Variants in MIS18BP1 observed in about 807,000 individuals in gnomAD.
MIS18BP1 encodes the protein MIS18 binding protein 1.
In MIS18BP1, 72 loss-of-function variants were observed where a neutral mutation model predicts 116.1. The observed-to-expected ratio is 0.62, with a 90% CI of 0.51 to 0.75. The LOEUF is 0.75. Among genes scored for constraint, MIS18BP1 ranks in the 30% least tolerant of loss-of-function variants. MIS18BP1 has a pLI of 0.00. For synonymous variants in MIS18BP1, 386 were observed against 427.0 expected, an observed-to-expected ratio of 0.90 and a Z score of 1.18; for missense variants, 1,363 against 1,303.2, an observed-to-expected ratio of 1.05 and a Z score of -0.71.
intron 6 of MIS18BP1, among the ~76,000 whole-genome samples, chr14:45,235,406 C>T (rs951345978): frequency 1.3e-5 from 2 of 151,548 alleles, no homozygotes; most frequent in African/African-American, 4.8e-5. Flanking sequence ...ACAGGACCAG[C>T]CTGGTGAAAC....
At position 45,242,236 on chromosome 14, in the gene MIS18BP1, G is replaced by A. The variant is rs774444888; in HGVS notation, c.941C>T (p.Ser314Leu). The change falls in exon 4 of 17, where the codon TCG (serine) becomes TTG (leucine). Residue 314 changes from serine (S) to leucine (L), a missense_variant. By Grantham distance (145) the Ser-to-Leu change is moderately radical (BLOSUM62 -2). Transcript: ENST00000310806. ...SDSERTTEGT[S>L]QQKVKEGNGK... ...ATTTCCTTCCTTAACTTTCTGTTGC[G>A]AAGTCCCTTCTGTTGTCCTCTCACT... 19 of 1,613,840 alleles carry A rather than the reference G, an allele frequency of 1.2e-5. No individual in the cohort carries two copies. The highest frequency in any genetic ancestry group is 2.2e-5 in the East Asian group (1 of 44,870).
In MIS18BP1 at chr14:45,224,584, T is replaced by C; in HGVS notation, c.2003A>G (p.Tyr668Cys). 1 of 1,613,798 alleles carries C rather than the reference T, an allele frequency of 6.2e-7. No individual in the cohort carries two copies. ...TTTGATGGTGCCAGCGGACAGATTA[T>C]ACCTCATGCATCTTTGCTCTATCAC... ...RKVIEQRCMR[Y>C]NLSAGTIKAV... is the part of the protein sequence containing the mutation. The change falls in exon 11 of 17, where the codon TAT (tyrosine) becomes TGT (cysteine). Residue 668 changes from tyrosine (Y) to cysteine (C), a missense_variant. Physicochemically the swap from Tyr to Cys is radical, Grantham distance 194 (BLOSUM62 -2). Coordinates refer to ENST00000310806, the MANE Select transcript of MIS18BP1 (RefSeq NM_018353.5).
chr14:45,204,092 C>A lies in MIS18BP1; in HGVS notation c.*17G>T. On this transcript the variant is annotated 3_prime_UTR_variant, in exon 17 of 17. Transcript: ENST00000310806. The stretch of plus-strand genomic sequence containing the variant: ...GCTTTATGGTAAAAATCCCAGGAAT[C>A]ATATTTTCTCATTTTACTATGCAGA... The A allele has an allele frequency of 6.2e-7, 1 of 1,604,442 alleles. No homozygotes were observed. The highest frequency in any genetic ancestry group is 1.1e-5 in the South Asian group (1 of 88,890).
At chr14:45,206,291 G>T in intron 14 of MIS18BP1, 121 bp from the exon 15 acceptor site, 1 of 687,542 alleles carries the variant, frequency 1.5e-6, no homozygotes, top group East Asian at 2.8e-5. Flanking sequence ...AATTTCAAAT[G>T]TATTTCTTTT....
intron 13 of MIS18BP1, among the ~76,000 whole-genome samples, chr14:45,213,570 T>TC (rs1890733264): frequency 6.6e-6 from 1 of 152,196 alleles, no homozygotes; most frequent in Non-Finnish European, 1.5e-5. Flanking sequence ...CCAGTCTCTG[T>TC]CCTAACTACT....
Position 45,242,468 on chromosome 14 carries a change from G to C in MIS18BP1, c.709C>G (p.Arg237Gly), listed in dbSNP as rs1484596325. 2.5e-6 allele frequency: 4 copies of C among 1,604,458 alleles called. No individual in the cohort carries two copies. The highest frequency in any genetic ancestry group is 1.7e-5 in the Admixed American group (1 of 57,494). Residue 237 changes from arginine (R) to glycine (G), a missense_variant, in exon 4 of 17, where the codon CGA (arginine) becomes GGA (glycine). By Grantham distance (125) the Arg-to-Gly change is moderately radical. Coordinates refer to ENST00000310806, the MANE Select transcript of MIS18BP1 (RefSeq NM_018353.5). ...TGAGCTCTAGTTAATGTCTTGTTTC[G>C]GGCTTCTACAGCCAAAAAATTTTCC... ...EQENFLAVEA[R>G]NKTLTRAQLA...
chr14:45,245,422 T>C (rs967254179), intron 2 of MIS18BP1, among the ~76,000 whole-genome samples: 4 of 151,976 alleles, frequency 2.6e-5, no homozygotes, highest in African/African-American at 7.3e-5. Flanking sequence ...TGGAGTGCAA[T>C]GGCGTGATCT....
chr14:45,236,574 C>T (rs941156591), intron 5 of MIS18BP1, among the ~76,000 whole-genome samples: 20 of 152,118 alleles, frequency 1.3e-4, no homozygotes, highest in Non-Finnish European at 2.6e-4. Flanking sequence ...AATAAACATA[C>T]TGATGATAAG....
Position 45,204,411 on chromosome 14 carries a change from G to A in MIS18BP1, c.3283C>T (p.Pro1095Ser). 6.2e-7 allele frequency: 1 copy of A among 1,606,122 alleles called. No homozygotes were observed. Among genetic ancestry groups the A allele is most frequent in the Non-Finnish European group, 8.5e-7 (1 of 1,177,122 alleles). ...GTAAGTGTATTACCTGTGTTAAATG[G>A]GGTTTTCCTTCTTGGTGTTGGAGTT... is the stretch of plus-strand genomic sequence containing the variant. The part of the protein sequence containing the change: ...FSTPTPRRKT[P>S]FNTDLGENSG... Residue 1095 changes from proline to serine, a missense_variant, in exon 16 of 17, where the codon CCA (proline) becomes TCA (serine). By Grantham distance (74) the Pro-to-Ser change is moderately conservative. Coordinates refer to ENST00000310806, the MANE Select transcript of MIS18BP1 (RefSeq NM_018353.5).
chr14:45,237,164 C>T (rs1891453251), intron 5 of MIS18BP1, among the ~76,000 whole-genome samples: 1 of 151,960 alleles, frequency 6.6e-6, no homozygotes, highest in Non-Finnish European at 1.5e-5. Flanking sequence ...TAGGTAAAGC[C>T]CACTTACCTG....
At chr14:45,246,038 C>T (rs942938401) in intron 2 of MIS18BP1, among the ~76,000 whole-genome samples, 3 of 152,214 alleles carry the variant, frequency 2.0e-5, no homozygotes, top group Non-Finnish European at 4.4e-5. Context: ...CCAACACCGG[C>T]TGTCATCTGG....
At chr14:45,227,594 A>G in intron 9 of MIS18BP1, 69 bp downstream of exon 9, 2 of 1,399,628 alleles carry the variant, frequency 1.4e-6, no homozygotes, top group Non-Finnish European at 2.0e-6. Context: ...TATGGTCCCA[A>G]ACCTTTTCAG....
Position 45,206,089 on chromosome 14 carries a change from T to C in MIS18BP1, c.3234A>G (p.Lys1078=). 6.3e-7 allele frequency: 1 copy of C among 1,589,846 alleles called. No individual in the cohort carries two copies. Among genetic ancestry groups the C allele is most frequent in the Non-Finnish European group, 8.6e-7 (1 of 1,161,510 alleles). The change falls in exon 15 of 17, where the codon AAA becomes AAG. Residue 1078 remains lysine (K), a synonymous_variant. Coordinates refer to ENST00000310806, the MANE Select transcript of MIS18BP1 (RefSeq NM_018353.5). The stretch of plus-strand genomic sequence containing the variant: ...GATAAAGAAAAATACTTACTAATTT[T>C]TTCTTGATGTTGCCCCAGACAATAC... ...NGGIVWGNIK[K]KLVETDFSTP...
chr14:45,229,195 G>A (rs989710858), intron 8 of MIS18BP1, among the ~76,000 whole-genome samples: 13 of 152,026 alleles, frequency 8.6e-5, no homozygotes, highest in African/African-American at 2.7e-4. Context: ...ATAGACCAGG[G>A]TTCATGGAAA....
At chr14:45,229,190 C>A (rs1162748130) in intron 8 of MIS18BP1, among the ~76,000 whole-genome samples, 4 of 152,014 alleles carry the variant, frequency 2.6e-5, no homozygotes, top group Admixed American at 6.6e-5. Context: ...ACTTAATAGA[C>A]CAGGGTTCAT....
At chr14:45,239,807 T>C (rs1315120437) in intron 4 of MIS18BP1, among the ~76,000 whole-genome samples, 2 of 152,120 alleles carry the variant, frequency 1.3e-5, no homozygotes, top group Non-Finnish European at 2.9e-5. Flanking sequence ...GGTTGAACAG[T>C]GAGAAGAGGC....
At chr14:45,212,428 GA>G (rs1164754492) in intron 13 of MIS18BP1, among the ~76,000 whole-genome samples, 8 of 152,126 alleles carry the variant, frequency 5.3e-5, no homozygotes, top group Non-Finnish European at 1.2e-4. Context: ...ACTAGTCAGG[GA>G]TAAGCAAGGA....
At chr14:45,219,810 G>C (rs963871306) in intron 11 of MIS18BP1, among the ~76,000 whole-genome samples, 3 of 152,108 alleles carry the variant, frequency 2.0e-5, no homozygotes, top group Non-Finnish European at 4.4e-5. Context: ...TGTGTGTGTG[G>C]CTAATTTCTA....
intron 12 of MIS18BP1, among the ~76,000 whole-genome samples, chr14:45,217,948 A>T (rs1287066670): frequency 9.2e-5 from 14 of 152,164 alleles, no homozygotes; most frequent in African/African-American, 3.4e-4. Context: ...TGAAAACTGA[A>T]TATTTTCTGA....
Sources: allele counts gnomAD v4.1 joint callset (sites outside exome capture counted in the v4.1 genomes callset), GRCh38; gene constraint gnomAD v4.1.1; transcripts MANE v1.5; gene names NCBI Gene and HGNC (gene_info 2026-07-23, HGNC 2026-07-21).